CDH18: variants seen among roughly 807,000 people sequenced by gnomAD.
CDH18 encodes the protein cadherin 18.
Under a neutral mutation model 67.9 loss-of-function variants are expected in CDH18, and 31 were observed. The ratio of observed to expected loss-of-function variants is 0.46; its 90% confidence interval spans 0.34 to 0.62. The LOEUF (loss-of-function observed/expected upper bound fraction) is 0.62, where lower values mean the gene tolerates loss of function less well. Among genes scored for constraint, CDH18 ranks in the 20% least tolerant of loss-of-function variants. The pLI, the probability that CDH18 is intolerant of heterozygous loss-of-function variation, is 0.01. For missense variants in CDH18, 890 were observed against 975.5 expected, an observed-to-expected ratio of 0.91 and a Z score of 1.17; for synonymous variants, 362 against 347.2, an observed-to-expected ratio of 1.04 and a Z score of -0.48.
chr5:19,660,466 C>T (rs182988064), intron 5 of CDH18, among the ~76,000 whole-genome samples: 190 of 152,196 alleles, frequency 1.2e-3, no homozygotes, highest in African/African-American at 4.1e-3. Flanking sequence ...TACTCAGTCA[C>T]GCCTGCTGAA....
chr5:20,499,862 A>G (rs951180395), intron 1 of CDH18, among the ~76,000 whole-genome samples: 9 of 152,186 alleles, frequency 5.9e-5, no homozygotes, highest in Non-Finnish European at 1.2e-4. Flanking sequence ...ACAAATTGCC[A>G]TTCCAAGTAT....
chr5:20,279,060 T>C (rs993871121), intron 1 of CDH18, among the ~76,000 whole-genome samples: 2 of 152,050 alleles, frequency 1.3e-5, no homozygotes, highest in Non-Finnish European at 2.9e-5. Flanking sequence ...TTATCAATAA[T>C]TACATTGAAT....
At chr5:20,221,216 C>T (rs1220157738) in intron 2 of CDH18, among the ~76,000 whole-genome samples, 4 of 152,054 alleles carry the variant, frequency 2.6e-5, no homozygotes, top group Non-Finnish European at 4.4e-5. Context: ...AACTTGGGTC[C>T]ATCAACAGAT....
At chr5:19,687,408 C>G (rs2150407790) in intron 5 of CDH18, among the ~76,000 whole-genome samples, 1 of 152,340 alleles carries the variant, frequency 6.6e-6, no homozygotes, top group Middle Eastern at 3.4e-3. Context: ...TACATTCACA[C>G]AGAGGACTAC....
chr5:19,705,803 G>A (rs1763874917), intron 5 of CDH18, among the ~76,000 whole-genome samples: 2 of 152,096 alleles, frequency 1.3e-5, no homozygotes, highest in African/African-American at 2.4e-5. Context: ...AATACAGCAA[G>A]CTTTTATAGT....
At chr5:20,086,354 A>G (rs1744949564) in intron 2 of CDH18, among the ~76,000 whole-genome samples, 1 of 152,246 alleles carries the variant, frequency 6.6e-6, no homozygotes, top group Non-Finnish European at 1.5e-5. Context: ...AAAGTGAGCT[A>G]GCAAGTGCTG....
At chr5:19,775,515 G>A (rs1013261545) in intron 3 of CDH18, among the ~76,000 whole-genome samples, 1 of 151,876 alleles carries the variant, frequency 6.6e-6, no homozygotes, top group Non-Finnish European at 1.5e-5. Context: ...ACCTCACAGA[G>A]TAAAAGCAGG....
intron 2 of CDH18, among the ~76,000 whole-genome samples, chr5:20,020,408 T>TCCTGCTTTCCCTTCACCTTCTG (rs1738302444): frequency 6.6e-6 from 1 of 152,076 alleles, no homozygotes; most frequent in African/African-American, 2.4e-5. Context: ...CAAAGGCATT[T>TCCTGCTTTCCCTTCACCTTCTG]CAGAGACCTT....
rs767411432 is a variant in CDH18, at chr5:20,557,813, A to G, written c.-580+17649T>C. Among the ~76,000 whole-genome samples the G allele has an allele frequency of 1.3e-5, 2 of 151,758 alleles. 1 individual carries two copies. The highest frequency in any genetic ancestry group is 2.9e-5 in the Non-Finnish European group (2 of 67,916). On this transcript the variant is annotated intron_variant, in intron 1 of 14. Transcript: ENST00000507958. ...AGTTCAACTTGATATAAATAATTCT[A>G]TAACAGTGTTACATAACATTAAATG...
At chr5:19,745,918 C>CAT (rs1438616040) in intron 4 of CDH18, among the ~76,000 whole-genome samples, 2 of 151,676 alleles carry the variant, frequency 1.3e-5, no homozygotes, top group African/African-American at 2.4e-5. Flanking sequence ...AATATATATA[C>CAT]ATATATATAC....
intron 2 of CDH18, among the ~76,000 whole-genome samples, chr5:19,907,328 G>C (rs1416283736): frequency 2.0e-5 from 3 of 151,886 alleles, no homozygotes; most frequent in Non-Finnish European, 2.9e-5. Context: ...TTTTGGATTT[G>C]GGGTTTTGTT....
At chr5:19,549,124 T>C (rs909564189) in intron 8 of CDH18, among the ~76,000 whole-genome samples, 2 of 152,142 alleles carry the variant, frequency 1.3e-5, no homozygotes, top group African/African-American at 4.8e-5. Flanking sequence ...CTGAATCTCA[T>C]ATTAAAAGCT....
intron 2 of CDH18, among the ~76,000 whole-genome samples, chr5:20,246,537 G>A (rs1743389291): frequency 6.6e-6 from 1 of 152,092 alleles, no homozygotes; most frequent in Non-Finnish European, 1.5e-5. Context: ...TTTGAAATAG[G>A]ATTTCTTCTA....
intron 2 of CDH18, among the ~76,000 whole-genome samples, chr5:19,908,152 A>G (rs1260301605): frequency 6.6e-6 from 1 of 152,098 alleles, no homozygotes; most frequent in Non-Finnish European, 1.5e-5. Context: ...AAATTATCAG[A>G]AATACTTAAT....
chr5:20,212,795 G>GT (rs1740455285), intron 2 of CDH18, among the ~76,000 whole-genome samples: 2 of 151,878 alleles, frequency 1.3e-5, no homozygotes, highest in Non-Finnish European at 2.9e-5. Context: ...CTTTTTGCTG[G>GT]TAGAGGGTCT....
At chr5:20,213,482 T>C (rs571115010) in intron 2 of CDH18, among the ~76,000 whole-genome samples, 1 of 152,264 alleles carries the variant, frequency 6.6e-6, no homozygotes, top group African/African-American at 2.4e-5. Flanking sequence ...GTACATTCAG[T>C]AAACTTCAGC....
chr5:19,944,875 G>A (rs139076545), intron 2 of CDH18, among the ~76,000 whole-genome samples: 335 of 152,242 alleles, frequency 2.2e-3, no homozygotes, highest in African/African-American at 7.4e-3. Flanking sequence ...AAACGGGATT[G>A]CAGTGGCTTG....
intron 5 of CDH18, among the ~76,000 whole-genome samples, chr5:19,624,663 T>C (rs559672350): frequency 1.7e-4 from 26 of 152,282 alleles, no homozygotes; most frequent in Non-Finnish European, 2.9e-4. Flanking sequence ...GAGATAGTTC[T>C]GAAGGAGCTG....
chr5:19,629,170 G>A (rs1422603382), intron 5 of CDH18, among the ~76,000 whole-genome samples: 5 of 152,194 alleles, frequency 3.3e-5, no homozygotes, highest in African/African-American at 4.8e-5. Flanking sequence ...CTGGTTGGAA[G>A]TAGAGGATGA....
Sources: gnomAD v4.1 joint callset for allele counts (sites outside exome capture counted in the v4.1 genomes callset) on GRCh38, gnomAD v4.1.1 for gene constraint, MANE v1.5 for transcripts, NCBI Gene and HGNC (gene_info 2026-07-23, HGNC 2026-07-21) for gene names.